Variants in KIF23 observed in about 807,000 individuals in gnomAD.
The protein encoded by KIF23 is kinesin family member 23, also known as kinesin-like protein KIF23.
A neutral mutation model predicts 137.5 loss-of-function variants in KIF23; 30 were observed. That is an observed-to-expected ratio of 0.22 (90% CI 0.16 to 0.30). The LOEUF is 0.30. Among genes scored for constraint, KIF23 ranks in the 10% least tolerant of loss-of-function variants. The pLI, the probability that KIF23 is intolerant of heterozygous loss-of-function variation, is 1.00. For missense variants in KIF23, 920 were observed against 1,194.3 expected (o/e 0.77, Z 3.38); for synonymous variants, 367 against 391.1 (o/e 0.94, Z 0.73).
At chr15:69,428,781 CAA>C (rs1383012342) in intron 10 of KIF23, among the ~76,000 whole-genome samples, 2 of 151,190 alleles carry the variant, frequency 1.3e-5, no homozygotes, top group Non-Finnish European at 2.9e-5. Context: ...TCTTATTCAG[CAA>C]ATATCTGCTG....
chr15:69,416,004 A>G lies in KIF23; in HGVS notation c.22A>G (p.Thr8Ala), dbSNP rs770423663. The G allele has an allele frequency of 2.5e-6, 4 of 1,578,970 alleles. No homozygotes were observed. Among genetic ancestry groups the G allele is most frequent in the Non-Finnish European group, 3.4e-6 (4 of 1,169,538 alleles). The change falls in exon 2 of 24, where the codon ACA becomes GCA. Residue 8 changes from threonine (T) to alanine (A), a missense_variant. Physicochemically the swap from Thr to Ala is moderately conservative, Grantham distance 58 (BLOSUM62 0). Transcript: ENST00000679126. MKSARAK[T>A]PRKPTVKKGS... is the part of the protein sequence containing the mutation. The stretch of plus-strand genomic sequence containing the variant: ...TTAATCTATGACCAGGAGAGCTAAG[A>G]CACCCCGGAAACCTACCGTGAAAAA...
At chr15:69,440,200 G>A (rs939456582) in intron 17 of KIF23, 108 bp from the exon 18 acceptor site, 8 of 1,494,218 alleles carry the variant, frequency 5.4e-6, no homozygotes, top group Admixed American at 2.1e-5. Flanking sequence ...TTAACTCTCA[G>A]GAAGAATTGG....
chr15:69,422,365 T>C lies in KIF23; in HGVS notation c.493T>C (p.Cys165Arg), dbSNP rs1446813861. The part of the protein sequence containing the change: ...SNDRNSMDIQ[C>R]EVDALLERQK... Reference sequence around the variant, plus strand: ...TGATAGGAATAGTATGGATATACAGTGTGAGGTTGATGCCTTATTAGAACG... The same window carrying C: ...TGATAGGAATAGTATGGATATACAGCGTGAGGTTGATGCCTTATTAGAACG... The change falls in exon 6 of 24, where the codon TGT (cysteine) becomes CGT (arginine). Residue 165 changes from cysteine (C) to arginine (R), a missense_variant. Physicochemically the swap from Cys to Arg is radical, Grantham distance 180 (BLOSUM62 -3). Coordinates refer to ENST00000679126, the MANE Select transcript of KIF23 (RefSeq NM_001367805.3). 6.2e-7 allele frequency: 1 copy of C among 1,610,200 alleles called. No homozygotes were observed. The highest frequency in any genetic ancestry group is 1.1e-5 in the South Asian group (1 of 90,982).
chr15:69,434,047 T>C (rs1231559403), intron 11 of KIF23, among the ~76,000 whole-genome samples: 1 of 152,222 alleles, frequency 6.6e-6, no homozygotes, highest in East Asian at 1.9e-4. Flanking sequence ...GTTTGGAAAT[T>C]TTTATTTTTA....
rs1489630137 is a variant in KIF23, at chr15:69,438,281, A to G, written c.1631A>G (p.Asp544Gly). 2.5e-6 allele frequency: 4 copies of G among 1,610,196 alleles called. No homozygotes were observed. The highest frequency in any genetic ancestry group is 3.4e-6 in the Non-Finnish European group (4 of 1,179,050). Residue 544 changes from aspartate to glycine, a missense_variant, in exon 16 of 24, where the codon GAC (aspartate) becomes GGC (glycine). By Grantham distance (94) the Asp-to-Gly change is moderately conservative (BLOSUM62 -1). Coordinates refer to ENST00000679126, the MANE Select transcript of KIF23 (RefSeq NM_001367805.3). ...TTTAAAGCTTTGTTACAAGAATTTG[A>G]CAATGCTGTTTTAAGTAAAGAAAAC... ...NAFKALLQEF[D>G]NAVLSKENHM...
At chr15:69,440,115 A>G in intron 17 of KIF23, 38 bp downstream of exon 17, 1 of 1,594,448 alleles carries the variant, frequency 6.3e-7, no homozygotes, top group Non-Finnish European at 8.6e-7. Flanking sequence ...TCAGAGTCGG[A>G]TGATTTATTT....
chr15:69,431,352 G>A (rs979856092), intron 11 of KIF23, among the ~76,000 whole-genome samples: 3 of 152,210 alleles, frequency 2.0e-5, no homozygotes, highest in Non-Finnish European at 4.4e-5. Context: ...AGTGGCTCAC[G>A]CCTGTAATCC....
At chr15:69,443,113 T>C (rs1350688366) in intron 19 of KIF23, among the ~76,000 whole-genome samples, 1 of 152,290 alleles carries the variant, frequency 6.6e-6, no homozygotes, top group African/African-American at 2.4e-5. Context: ...AAGTTCCTGT[T>C]TGTCTTGAGG....
intron 7 of KIF23, among the ~76,000 whole-genome samples, chr15:69,424,073 T>G (rs1246030907): frequency 1.3e-5 from 2 of 152,218 alleles, no homozygotes; most frequent in African/African-American, 2.4e-5. Context: ...ACTTTGTATA[T>G]CTAAGGGAAC....
intron 15 of KIF23, 26 bp from the exon 16 acceptor site, chr15:69,438,222 A>G: frequency 6.3e-7 from 1 of 1,580,820 alleles, no homozygotes; most frequent in Non-Finnish European, 8.6e-7. Context: ...CTGGTGTAAA[A>G]CTTGACCTGT....
At chr15:69,438,043 C>G (rs1313047330) in intron 15 of KIF23, among the ~76,000 whole-genome samples, 2 of 152,176 alleles carry the variant, frequency 1.3e-5, no homozygotes, top group Non-Finnish European at 2.9e-5. Context: ...ATTTTTTCAG[C>G]ATTTAACAGA....
chr15:69,438,301 G>A lies in KIF23; in HGVS notation c.1651G>A (p.Glu551Lys), dbSNP rs770293878. 1 of 1,611,672 alleles carries A rather than the reference G, an allele frequency of 6.2e-7. No homozygotes were observed. Among genetic ancestry groups the A allele is most frequent in the South Asian group, 1.1e-5 (1 of 90,688 alleles). The change falls in exon 16 of 24, where the codon GAA becomes AAA. Residue 551 changes from glutamate to lysine, a missense_variant. By Grantham distance (56) the Glu-to-Lys change is moderately conservative (BLOSUM62 1). This residue lies in a region of KIF23 where 714 missense variants were observed against 866.2 expected (regional missense o/e 0.82). Transcript: ENST00000679126. ...QEFDNAVLSK[E>K]NHMQGKLNEK... ...ATTTGACAATGCTGTTTTAAGTAAA[G>A]AAAACCACATGCAAGGGAAACTAAA... is the stretch of plus-strand genomic sequence containing the variant.
chr15:69,445,982 A>AC, intron 20 of KIF23, 27 bp from the exon 21 acceptor site: 1 of 1,519,636 alleles, frequency 6.6e-7, no homozygotes, highest in South Asian at 1.1e-5. Flanking sequence ...ATCAATGTGT[A>AC]ACAGTGACCT....
At chr15:69,436,784 TC>T in intron 15 of KIF23, 62 bp downstream of exon 15, 1 of 1,121,500 alleles carries the variant, frequency 8.9e-7, no homozygotes, top group Non-Finnish European at 1.2e-6. Flanking sequence ...AGACATAGTT[TC>T]ACTCTGTACC....
intron 3 of KIF23, 86 bp downstream of exon 3, chr15:69,417,597 T>C: frequency 7.2e-7 from 1 of 1,397,464 alleles, no homozygotes; most frequent in Admixed American, 2.2e-5. Context: ...CAAAGTTCAT[T>C]TGTGAGCCCA....
In KIF23 at chr15:69,423,143, A is replaced by AT; in HGVS notation, c.564-16_564-15insT. The AT allele has an allele frequency of 7.1e-7, 1 of 1,412,598 alleles. No individual in the cohort carries two copies. Among genetic ancestry groups the AT allele is most frequent in the Non-Finnish European group, 9.9e-7 (1 of 1,011,644 alleles). The allele number at this position is 1,412,598 out of a possible 1,614,324, so 87.5% of individuals were successfully genotyped here. ...ATGGACTTATAACGTATACAATTGA[A>AT]CTTTTCTTTTTTTAGACGACAAGTA... is the stretch of plus-strand genomic sequence containing the variant. On this transcript the variant is annotated splice_polypyrimidine_tract_variant and intron_variant, in intron 6 of 23. Transcript: ENST00000679126.
chr15:69,424,468 AT>A (rs2057139156), intron 7 of KIF23, among the ~76,000 whole-genome samples: 1 of 152,196 alleles, frequency 6.6e-6, no homozygotes, highest in South Asian at 2.1e-4. Flanking sequence ...AATAGTAAAA[AT>A]ACTTGGGTTA....
chr15:69,441,615 T>C lies in KIF23; in HGVS notation c.2421+536T>C, dbSNP rs1225157788. Among the ~76,000 whole-genome samples the C allele has an allele frequency of 2.6e-5, 4 of 152,170 alleles. No individual in the cohort carries two copies. In the East Asian group the frequency reaches 5.8e-4, roughly 22 times the overall value. On this transcript the variant is annotated intron_variant, in intron 19 of 23. Transcript: ENST00000679126. Reference sequence around the variant, plus strand: ...ATGTAAACCTTTTTCCCCTAAGCCTTGTGAAAGGAAATCACAGACTTAGAG... The same window carrying C: ...ATGTAAACCTTTTTCCCCTAAGCCTCGTGAAAGGAAATCACAGACTTAGAG...
Position 69,426,049 on chromosome 15 carries a change from TC to T in KIF23, c.777-20del. On this transcript the variant is annotated intron_variant, in intron 8 of 23. Transcript: ENST00000679126. ...AGCATCTCATAATTTAGGAGACTAA[TC>T]TTTTTTTTCTTTCCCATAGACCTCC... is the stretch of plus-strand genomic sequence containing the variant. The T allele has an allele frequency of 1.4e-6, 2 of 1,467,518 alleles. No individual in the cohort carries two copies. The highest frequency in any genetic ancestry group is 2.7e-5 in the South Asian group (2 of 73,372). The allele number at this position is 1,467,518 out of a possible 1,614,324, so 90.9% of individuals were successfully genotyped here. A position where few individuals can be genotyped will look rare whatever the true frequency, so the allele number is the denominator to read the frequency against.
Sources: allele counts gnomAD v4.1 joint callset (sites outside exome capture counted in the v4.1 genomes callset), GRCh38; gene constraint gnomAD v4.1.1; regional missense constraint gnomAD v4.1.1; transcripts MANE v1.5; gene names NCBI Gene and HGNC (gene_info 2026-07-23, HGNC 2026-07-21).